The following DNAJC5 variants were observed in gnomAD, a reference collection of about 807,000 sequenced individuals.
The protein encoded by DNAJC5 is dnaJ homolog subfamily C member 5.
A neutral mutation model predicts 23.2 loss-of-function variants in DNAJC5; 1 was observed. That is an observed-to-expected ratio of 0.04 (90% CI 0.02 to 0.20). The LOEUF is 0.20. Among genes scored for constraint, DNAJC5 ranks in the 10% least tolerant of loss-of-function variants. The pLI is 1.00. For synonymous variants in DNAJC5, 136 were observed against 120.0 expected, an observed-to-expected ratio of 1.13 and a Z score of -0.87; for missense variants, 180 against 267.0, an observed-to-expected ratio of 0.67 and a Z score of 2.27.
chr20:63,920,614 G>C lies in DNAJC5; in HGVS notation c.-11-7721G>C, dbSNP rs887267296. On this transcript the variant is annotated intron_variant, in intron 1 of 4. Coordinates refer to ENST00000360864, the MANE Select transcript of DNAJC5 (RefSeq NM_025219.3). This position sits in a 1 kb window ranked among gnomAD's most constrained non-coding sequence, Gnocchi z 4.6. ...GCCCTGGGGCTGCTGCCAGCAGAAC[G>C]GACTGGGATACGCTGGATTTGTAAA... 3.9e-5 allele frequency among the ~76,000 whole-genome samples: 6 copies of C among 152,232 alleles called. No homozygotes were observed. Among genetic ancestry groups the C allele is most frequent in the African/African-American group, 1.4e-4 (6 of 41,464 alleles).
At chr20:63,898,639 C>T (rs898605207) in intron 1 of DNAJC5, among the ~76,000 whole-genome samples, 21 of 152,066 alleles carry the variant, frequency 1.4e-4, no homozygotes, top group African/African-American at 4.6e-4. Context: ...ATCGAGAGAT[C>T]GAGACCATCC....
At chr20:63,907,185 A>C (rs1237536814) in intron 1 of DNAJC5, among the ~76,000 whole-genome samples, 1 of 152,300 alleles carries the variant, frequency 6.6e-6, no homozygotes, top group African/African-American at 2.4e-5. Context: ...TGTGATCAGG[A>C]CAGAGAAGAA....
chr20:63,909,914 A>C (rs817384), intron 1 of DNAJC5, among the ~76,000 whole-genome samples: 76,298 of 152,034 alleles, frequency 0.5, 20,238 homozygotes, highest in East Asian at 0.84. Flanking sequence ...AAGCAGCATG[A>C]CCTCGTGGTT....
intron 1 of DNAJC5, among the ~76,000 whole-genome samples, chr20:63,914,185 G>A (rs1309824038): frequency 2.0e-5 from 3 of 152,224 alleles, no homozygotes; most frequent in African/African-American, 4.8e-5. Context: ...ACTCAGAACC[G>A]TGGAGGTGCT....
At chr20:63,919,674 G>A (rs2427557) in intron 1 of DNAJC5, 24,278 of 304,462 alleles carry the variant, frequency 0.08, 880 homozygotes, top group East Asian at 0.33. Context: ...ACCCGGCTGT[G>A]TGGACATGTG....
In DNAJC5 at chr20:63,932,773, C is replaced by T. The variant is rs551534511; in HGVS notation, c.*1205C>T. 6.6e-6 allele frequency: 1 copy of T among 151,430 alleles called. No individual in the cohort carries two copies. The highest frequency in any genetic ancestry group is 1.9e-4 in the East Asian group (1 of 5,290). 9.4% of individuals were successfully genotyped at this position (151,430 alleles called of 1,614,324 possible). On this transcript the variant is annotated 3_prime_UTR_variant, in exon 5 of 5. Transcript: ENST00000360864. The surrounding 1 kb of genome is among the most constrained non-coding windows in gnomAD (Gnocchi z 4.4). Reference sequence around the variant, plus strand: ...GCCGGCAGCCAGGCCACAGAATCCACACGTGGACCATTGTGGGTCCCTGGG... The same window carrying T: ...GCCGGCAGCCAGGCCACAGAATCCATACGTGGACCATTGTGGGTCCCTGGG...
Position 63,928,342 on chromosome 20 carries a change from T to C in DNAJC5, c.-4T>C. 2 of 1,613,220 alleles carry C rather than the reference T, an allele frequency of 1.2e-6. No individual in the cohort carries two copies. Among genetic ancestry groups the C allele is most frequent in the Non-Finnish European group, 1.7e-6 (2 of 1,179,398 alleles). Reference sequence around the variant, plus strand: ...TTTTATTTTTTCTTCTAGAATAGCCTAACATGGCAGACCAGAGACAGCGCT... The same window carrying C: ...TTTTATTTTTTCTTCTAGAATAGCCCAACATGGCAGACCAGAGACAGCGCT... On this transcript the variant is annotated 5_prime_UTR_variant, in exon 2 of 5. Transcript: ENST00000360864. The surrounding 1 kb of genome is among the most constrained non-coding windows in gnomAD (Gnocchi z 4.6).
At position 63,935,198 on chromosome 20, in the gene DNAJC5, T is replaced by C. The variant is rs917895122; in HGVS notation, c.*3630T>C. ...GCTGTGGTGTGTCCGTGTGTGTACA[T>C]ATGTGTATATGTATATATCACGCAG... On this transcript the variant is annotated 3_prime_UTR_variant, in exon 5 of 5. Transcript: ENST00000360864. 1.3e-5 allele frequency: 2 copies of C among 152,254 alleles called. No individual in the cohort carries two copies. The highest frequency in any genetic ancestry group is 2.9e-5 in the Non-Finnish European group (2 of 68,058). The allele number at this position is 152,254 out of a possible 1,614,324, so 9.4% of individuals were successfully genotyped here. A position where few individuals can be genotyped will look rare whatever the true frequency, so the allele number is the denominator to read the frequency against.
intron 1 of DNAJC5, among the ~76,000 whole-genome samples, chr20:63,907,745 C>G (rs1168231893): frequency 6.6e-6 from 1 of 152,210 alleles, no homozygotes; most frequent in Non-Finnish European, 1.5e-5. Context: ...TGTTTTACTA[C>G]TTAACTACCT....
chr20:63,923,985 C>A (rs1304848390), intron 1 of DNAJC5, among the ~76,000 whole-genome samples: 1 of 152,042 alleles, frequency 6.6e-6, no homozygotes, highest in Non-Finnish European at 1.5e-5. Flanking sequence ...TAAATATTTT[C>A]TCCCCTTCTG....
intron 1 of DNAJC5, among the ~76,000 whole-genome samples, chr20:63,921,871 C>T (rs925343355): frequency 1.3e-5 from 2 of 151,976 alleles, no homozygotes; most frequent in African/African-American, 2.4e-5. Context: ...CTCCTCCTCC[C>T]GGGTTCAAGC....
In DNAJC5 at chr20:63,921,000, C is replaced by T. The variant is rs975560791; in HGVS notation, c.-11-7335C>T. On this transcript the variant is annotated intron_variant, in intron 1 of 4. Coordinates refer to ENST00000360864, the MANE Select transcript of DNAJC5 (RefSeq NM_025219.3). The surrounding 1 kb of genome is among the most constrained non-coding windows in gnomAD (Gnocchi z 4.6). ...TTGAGACGGAGTTTCACTATTGTTACGCAGACTGGAGTGCAACGGCACGGT... is the reference window on the plus strand; with the variant it reads ...TTGAGACGGAGTTTCACTATTGTTATGCAGACTGGAGTGCAACGGCACGGT... Among the ~76,000 whole-genome samples, 6 of 151,990 alleles carry T rather than the reference C, an allele frequency of 3.9e-5. No individual in the cohort carries two copies. The highest frequency in any genetic ancestry group is 1.2e-4 in the African/African-American group (5 of 41,388).
chr20:63,927,298 C>T (rs529915579), intron 1 of DNAJC5, among the ~76,000 whole-genome samples: 12 of 152,278 alleles, frequency 7.9e-5, no homozygotes, highest in Non-Finnish European at 1.6e-4. Flanking sequence ...AGGCGGATCA[C>T]CTGAGGTCGG....
rs541579073 is a variant in DNAJC5, at chr20:63,921,022, C to T, written c.-11-7313C>T. On this transcript the variant is annotated intron_variant, in intron 1 of 4. Coordinates refer to ENST00000360864, the MANE Select transcript of DNAJC5 (RefSeq NM_025219.3). ...TTACGCAGACTGGAGTGCAACGGCACGGTCTCAGCTCGCTGCAAACTCCAC... is the reference window on the plus strand; with the variant it reads ...TTACGCAGACTGGAGTGCAACGGCATGGTCTCAGCTCGCTGCAAACTCCAC... Among the ~76,000 whole-genome samples the T allele has an allele frequency of 4.6e-5, 7 of 152,036 alleles. No individual in the cohort carries two copies. In the South Asian group the frequency reaches 6.2e-4, roughly 14 times the overall value.
Position 63,929,375 on chromosome 20 carries a change from T to C in DNAJC5, c.171T>C (p.Phe57=). 6.2e-7 allele frequency: 1 copy of C among 1,614,094 alleles called. No individual in the cohort carries two copies. The highest frequency in any genetic ancestry group is 8.5e-7 in the Non-Finnish European group (1 of 1,180,034). Residue 57 remains phenylalanine (F), a synonymous_variant, in exon 3 of 5, where the codon TTT becomes TTC. Coordinates refer to ENST00000360864, the MANE Select transcript of DNAJC5 (RefSeq NM_025219.3). This position sits in a 1 kb window ranked among gnomAD's most constrained non-coding sequence, Gnocchi z 8.6. ...ACAACCCGGAGGCCGCGGACAAGTT[T>C]AAGGAGATCAACAACGCGCACGCCA... ...NPDNPEAADK[F]KEINNAHAIL...
chr20:63,926,448 C>T (rs187541208), intron 1 of DNAJC5, among the ~76,000 whole-genome samples: 2 of 152,354 alleles, frequency 1.3e-5, no homozygotes, highest in Admixed American at 6.5e-5. Context: ...TACTTTGTAG[C>T]TTCCTGAGGC....
chr20:63,913,402 T>C (rs1014708733), intron 1 of DNAJC5, among the ~76,000 whole-genome samples: 12 of 151,644 alleles, frequency 7.9e-5, no homozygotes, highest in Non-Finnish European at 1.0e-4. Context: ...TTCTTTCTTT[T>C]TTTTTTTTTA....
chr20:63,898,328 A>G (rs2053387641), intron 1 of DNAJC5, among the ~76,000 whole-genome samples: 1 of 152,226 alleles, frequency 6.6e-6, no homozygotes, highest in South Asian at 2.1e-4. Context: ...GAAATCAGGC[A>G]GTAAGGTGAA....
At chr20:63,914,846 C>T (rs2053505993) in intron 1 of DNAJC5, among the ~76,000 whole-genome samples, 1 of 152,018 alleles carries the variant, frequency 6.6e-6, no homozygotes. Context: ...AAACTCCTGA[C>T]CTCAGGTGAT....
Sources: allele counts gnomAD v4.1 joint callset (sites outside exome capture counted in the v4.1 genomes callset), GRCh38; gene constraint gnomAD v4.1.1; non-coding constraint Gnocchi (gnomAD v3.1); transcripts MANE v1.5; gene names NCBI Gene and HGNC (gene_info 2026-07-23, HGNC 2026-07-21).